The following GPR141 variants were observed in gnomAD, a reference collection of about 807,000 sequenced individuals.
The protein encoded by GPR141 is G protein-coupled receptor 141.
Under a neutral mutation model 6.8 loss-of-function variants are expected in GPR141, and 6 were observed. The observed-to-expected ratio is 0.88, with a 90% CI of 0.48 to 1.74. GPR141 has a LOEUF of 1.74. GPR141 is among the 40% of genes most tolerant of loss of function. GPR141 has a pLI of 0.01. For missense variants in GPR141, 372 were observed against 372.9 expected (o/e 1.00, Z 0.02); for synonymous variants, 140 against 142.3 (o/e 0.98, Z 0.11).
chr7:37,696,635 C>T (rs150360842), intron 2 of GPR141, among the ~76,000 whole-genome samples: 1 of 151,838 alleles, frequency 6.6e-6, no homozygotes, highest in Non-Finnish European at 1.5e-5. Flanking sequence ...TATAATGGCA[C>T]TCATATAGCA....
intron 2 of GPR141, among the ~76,000 whole-genome samples, chr7:37,707,631 A>G (rs955695987): frequency 6.6e-6 from 1 of 152,222 alleles, no homozygotes; most frequent in Non-Finnish European, 1.5e-5. Context: ...CAATTTACAG[A>G]TAAGGAAAAT....
rs1426723151 is a variant in GPR141, at chr7:37,742,382, C to T, written c.*1071C>T. ...TCTACATTAGGTATTTCTCCTAATGCTCTCCCTCCCCTAGCCCCCCACCCC... is the reference window on the plus strand; with the variant it reads ...TCTACATTAGGTATTTCTCCTAATGTTCTCCCTCCCCTAGCCCCCCACCCC... On this transcript the variant is annotated 3_prime_UTR_variant, in exon 3 of 3. Coordinates refer to ENST00000334425, the MANE Select transcript of GPR141 (RefSeq NM_001381946.1). Among the ~76,000 whole-genome samples, 1 of 151,940 alleles carries T rather than the reference C, an allele frequency of 6.6e-6. No individual in the cohort carries two copies. Among genetic ancestry groups the T allele is most frequent in the East Asian group, 1.9e-4 (1 of 5,186 alleles).
chr7:37,713,877 A>G (rs937599341), intron 2 of GPR141, among the ~76,000 whole-genome samples: 2 of 152,238 alleles, frequency 1.3e-5, no homozygotes, highest in African/African-American at 4.8e-5. Context: ...CCTTACAACA[A>G]TACTGCAGTA....
intron 2 of GPR141, among the ~76,000 whole-genome samples, chr7:37,726,174 C>CA (rs1343307458): frequency 6.6e-6 from 1 of 152,092 alleles, no homozygotes; most frequent in African/African-American, 2.4e-5. Flanking sequence ...GAAGTGAGAT[C>CA]AAAGGACAGA....
intron 2 of GPR141, among the ~76,000 whole-genome samples, chr7:37,720,382 A>G (rs373389101): frequency 4.6e-5 from 7 of 152,326 alleles, no homozygotes; most frequent in East Asian, 3.9e-4. Flanking sequence ...GCACACCATA[A>G]TAATCTCTGA....
intron 2 of GPR141, among the ~76,000 whole-genome samples, chr7:37,700,666 T>C (rs868267156): frequency 2.6e-5 from 4 of 152,294 alleles, no homozygotes; most frequent in Non-Finnish European, 4.4e-5. Flanking sequence ...TCAAATAACA[T>C]ACAAATGATA....
chr7:37,701,305 T>C (rs140581430), intron 2 of GPR141, among the ~76,000 whole-genome samples: 2 of 152,330 alleles, frequency 1.3e-5, no homozygotes, highest in East Asian at 3.8e-4. Flanking sequence ...TAAATCATAA[T>C]AGAAAAATGG....
At position 37,741,002 on chromosome 7, in the gene GPR141, C is replaced by T. The variant is rs747865068; in HGVS notation, c.609C>T (p.Ile203=). 8.7e-6 allele frequency: 14 copies of T among 1,613,960 alleles called. No homozygotes were observed. Among genetic ancestry groups the T allele is most frequent in the Middle Eastern group, 1.6e-4 (1 of 6,080 alleles). Residue 203 remains isoleucine, a synonymous_variant, in exon 3 of 3, where the codon ATC becomes ATT. Coordinates refer to ENST00000334425, the MANE Select transcript of GPR141 (RefSeq NM_001381946.1). ...TTCTGTTGGTCTTCCAGGTCTTCATCATTATGTTGATGGTGCAGAAGCTAC... is the reference window on the plus strand; with the variant it reads ...TTCTGTTGGTCTTCCAGGTCTTCATTATTATGTTGATGGTGCAGAAGCTAC... ...AVILLVFQVF[I]IMLMVQKLRH...
chr7:37,688,674 C>T (rs1434542918), intron 2 of GPR141, among the ~76,000 whole-genome samples: 2 of 152,110 alleles, frequency 1.3e-5, no homozygotes, highest in African/African-American at 2.4e-5. Flanking sequence ...ACAGGTTAAG[C>T]CCCAGCTAGG....
intron 2 of GPR141, among the ~76,000 whole-genome samples, chr7:37,708,965 A>AT (rs1167467630): frequency 8.5e-5 from 13 of 152,204 alleles, no homozygotes; most frequent in Non-Finnish European, 1.3e-4. Context: ...AAATGGAGGT[A>AT]TTATTAAACT....
At chr7:37,740,295 CAAAGTCACATTGT>C in intron 2 of GPR141, 72 bp from the exon 3 acceptor site, 1 of 826,032 alleles carries the variant, frequency 1.2e-6, no homozygotes, top group Non-Finnish European at 2.0e-6. Context: ...ACATAAATGG[CAAAGTCACATTGT>C]CAGTGCTGTA....
rs1812660455 is a variant in GPR141, at chr7:37,743,305, C to A, written c.*1994C>A. On this transcript the variant is annotated 3_prime_UTR_variant, in exon 3 of 3. Coordinates refer to ENST00000334425, the MANE Select transcript of GPR141 (RefSeq NM_001381946.1). The stretch of plus-strand genomic sequence containing the variant: ...TTCTGTGACCACTAAAATTACTGAG[C>A]CACAGAAATTAATTCTGAGGAAGCA... Among the ~76,000 whole-genome samples the A allele has an allele frequency of 6.6e-6, 1 of 152,038 alleles. No homozygotes were observed. Among genetic ancestry groups the A allele is most frequent in the African/African-American group, 2.4e-5 (1 of 41,394 alleles).
chr7:37,686,399 C>T (rs756953461), intron 2 of GPR141, among the ~76,000 whole-genome samples: 2 of 152,080 alleles, frequency 1.3e-5, no homozygotes, highest in African/African-American at 2.4e-5. Context: ...CTAGTTCATA[C>T]GTTATACCAA....
chr7:37,739,244 T>A (rs1812408215), intron 2 of GPR141, among the ~76,000 whole-genome samples: 1 of 152,172 alleles, frequency 6.6e-6, no homozygotes, highest in Admixed American at 6.6e-5. Flanking sequence ...TGCATATGTG[T>A]TGCAAAGGTC....
intron 2 of GPR141, among the ~76,000 whole-genome samples, chr7:37,691,715 G>A (rs755194209): frequency 3.5e-4 from 53 of 152,154 alleles, no homozygotes; most frequent in Non-Finnish European, 6.5e-4. Flanking sequence ...GTGAGTGGTA[G>A]TAAATTCTCT....
intron 2 of GPR141, among the ~76,000 whole-genome samples, chr7:37,713,766 G>A (rs1001142163): frequency 4.6e-5 from 7 of 152,236 alleles, no homozygotes; most frequent in South Asian, 4.1e-4. Context: ...TGACTGAGAC[G>A]TTATTTCTCT....
At chr7:37,718,895 A>G (rs969840696) in intron 2 of GPR141, among the ~76,000 whole-genome samples, 2 of 152,246 alleles carry the variant, frequency 1.3e-5, no homozygotes, top group African/African-American at 4.8e-5. Flanking sequence ...AAGATGCAGT[A>G]TCTTAAGCAG....
At chr7:37,727,208 C>T (rs1391922049) in intron 2 of GPR141, among the ~76,000 whole-genome samples, 1 of 152,184 alleles carries the variant, frequency 6.6e-6, no homozygotes, top group Non-Finnish European at 1.5e-5. Flanking sequence ...TCAACATAAA[C>T]ATTTTATCTT....
At chr7:37,691,712 G>GTAGTAAAT (rs1554338247) in intron 2 of GPR141, among the ~76,000 whole-genome samples, 1 of 152,140 alleles carries the variant, frequency 6.6e-6, no homozygotes, top group Non-Finnish European at 1.5e-5. Flanking sequence ...CTGGTGAGTG[G>GTAGTAAAT]TAGTAAATTC....
Sources: gnomAD v4.1 joint callset for allele counts (sites outside exome capture counted in the v4.1 genomes callset) on GRCh38, gnomAD v4.1.1 for gene constraint, MANE v1.5 for transcripts, NCBI Gene and HGNC (gene_info 2026-07-23, HGNC 2026-07-21) for gene names.